The following ZP2 variants were observed in gnomAD, a reference collection of about 807,000 sequenced individuals.
ZP2 encodes the protein zona pellucida sperm-binding protein 2.
In ZP2, 51 loss-of-function variants were observed where a neutral mutation model predicts 84.0. The ratio of observed to expected loss-of-function variants is 0.61; its 90% confidence interval spans 0.49 to 0.77. The LOEUF (loss-of-function observed/expected upper bound fraction) is 0.77. Ranked by LOEUF, ZP2 falls within the 30% of genes least tolerant of loss-of-function variation. The pLI is 0.00. For synonymous variants in ZP2, 375 were observed against 330.9 expected (o/e 1.13, Z -1.45); for missense variants, 909 against 911.9 (o/e 1.00, Z 0.04).
At chr16:21,206,295 C>A (rs1192022187) in intron 5 of ZP2, among the ~76,000 whole-genome samples, 1 of 152,168 alleles carries the variant, frequency 6.6e-6, no homozygotes, top group Non-Finnish European at 1.5e-5. Context: ...CCATGCCTGA[C>A]CAGGACAATG....
intron 10 of ZP2, 56 bp downstream of exon 10, chr16:21,203,069 G>A: frequency 2.5e-6 from 4 of 1,588,006 alleles, no homozygotes; most frequent in Admixed American, 3.5e-5. Context: ...TTGCCCACAT[G>A]TACAAGAGCC....
At chr16:21,203,956 G>C in intron 9 of ZP2, 74 bp downstream of exon 9, 1 of 1,543,404 alleles carries the variant, frequency 6.5e-7, no homozygotes, top group East Asian at 2.3e-5. Flanking sequence ...GTTATCAGCC[G>C]TATGAGGACT....
chr16:21,202,971 A>G (rs1207045311), intron 10 of ZP2, among the ~76,000 whole-genome samples, 154 bp downstream of exon 10: 1 of 152,174 alleles, frequency 6.6e-6, no homozygotes, highest in African/African-American at 2.4e-5. Flanking sequence ...TTAGGACCCC[A>G]TCGTAGCAGC....
chr16:21,211,278 A>G, intron 2 of ZP2, 29 bp downstream of exon 2: 2 of 1,606,198 alleles, frequency 1.2e-6, no homozygotes, highest in East Asian at 2.2e-5. Context: ...TTCTCTGCTA[A>G]GAAGACTTCT....
In ZP2 at chr16:21,198,776, T is replaced by C. The variant is rs766276338; in HGVS notation, c.2011+3A>G. ...GGAAGTACTCCAGGCTTTAGGTCCA[T>C]ACCTCTGAATGAGGAGTCATCTGAC... On this transcript the variant is annotated splice_donor_region_variant and intron_variant, in intron 17 of 18. Coordinates refer to ENST00000574091, the MANE Select transcript of ZP2 (RefSeq NM_001376232.1). The C allele has an allele frequency of 1.2e-6, 2 of 1,613,758 alleles. No individual in the cohort carries two copies. Among genetic ancestry groups the C allele is most frequent in the Admixed American group, 3.3e-5 (2 of 59,980 alleles).
chr16:21,211,923 CACT>C (rs1464478619), upstream of ZP2, among the ~76,000 whole-genome samples: 2 of 146,682 alleles, frequency 1.4e-5, no homozygotes, highest in East Asian at 3.9e-4. Flanking sequence ...TTGTTCACAC[CACT>C]ACATTTTTTT....
chr16:21,199,465 C>A (rs2093214978), intron 16 of ZP2, 105 bp downstream of exon 16: 2 of 1,018,712 alleles, frequency 2.0e-6, no homozygotes, highest in East Asian at 5.3e-5. Context: ...GAGCTCTGGG[C>A]AGTAAATAAA....
intron 1 of ZP2, 28 bp downstream of exon 1, chr16:21,211,458 C>CCCT (rs756772909): frequency 1.2e-6 from 2 of 1,613,954 alleles, no homozygotes; most frequent in Admixed American, 3.3e-5. Context: ...CTACCATACC[C>CCCT]CCTCCCTCCA....
Position 21,199,833 on chromosome 16 carries a change from G to A in ZP2, c.1740C>T (p.Val580=), listed in dbSNP as rs1312913520. The change falls in exon 15 of 19, where the codon GTC becomes GTT. Residue 580 remains valine (V), a synonymous_variant. Coordinates refer to ENST00000574091, the MANE Select transcript of ZP2 (RefSeq NM_001376232.1). ...LDNYQTTFHP[V]GSSVTHPDHY... ...GATCAGGATGGGTCACAGAGGAGCC[G>A]ACTGGATGGAAGGTGGTCTGGTAGT... is the stretch of plus-strand genomic sequence containing the variant. The A allele has an allele frequency of 4.3e-6, 7 of 1,613,190 alleles. No individual in the cohort carries two copies. Among genetic ancestry groups the A allele is most frequent in the South Asian group, 2.2e-5 (2 of 91,018 alleles).
intron 18 of ZP2, 33 bp from the exon 19 acceptor site, chr16:21,197,655 A>C (rs773713392): frequency 5.0e-6 from 8 of 1,613,752 alleles, no homozygotes; most frequent in Non-Finnish European, 4.2e-6. Flanking sequence ...AGTCTTAAGT[A>C]TTTTTAAATA....
In ZP2 at chr16:21,199,629, A is replaced by T; in HGVS notation, c.1868T>A (p.Leu623His). 1 of 1,613,816 alleles carries T rather than the reference A, an allele frequency of 6.2e-7. No individual in the cohort carries two copies. Among genetic ancestry groups the T allele is most frequent in the Non-Finnish European group, 8.5e-7 (1 of 1,179,902 alleles). ...AGAACACAGTGGGGAGTCAGGGGAG[A>T]GTCGATTACAGATTAAGGCACTGCA... Reference protein sequence around the residue: ...FHCSALICNRLSPDSPLCSVT... With the variant: ...FHCSALICNRHSPDSPLCSVT... The change falls in exon 16 of 19, where the codon CTC (leucine) becomes CAC (histidine). Residue 623 changes from leucine (L) to histidine (H), a missense_variant. Physicochemically the swap from Leu to His is moderately conservative, Grantham distance 99. Transcript: ENST00000574091.
chr16:21,200,587 C>T (rs1213327488), intron 14 of ZP2, among the ~76,000 whole-genome samples: 1 of 152,190 alleles, frequency 6.6e-6, no homozygotes, highest in Non-Finnish European at 1.5e-5. Flanking sequence ...GGTTGAACAC[C>T]TATGTGTACA....
Position 21,205,469 on chromosome 16 carries a change from C to T in ZP2, c.644G>A (p.Arg215Lys), listed in dbSNP as rs2093245161. ...ATTGAATGGCACATGGAAGGTCATC[C>T]TGTGGTTGTCAATCAAGAGGCTGAA... ...EGFSLLIDNH[R>K]MTFHVPFNAT... The change falls in exon 7 of 19, where the codon AGG (arginine) becomes AAG (lysine). Residue 215 changes from arginine to lysine, a missense_variant. Coordinates refer to ENST00000574091, the MANE Select transcript of ZP2 (RefSeq NM_001376232.1). 18 of 1,614,082 alleles carry T rather than the reference C, an allele frequency of 1.1e-5. No individual in the cohort carries two copies. Among genetic ancestry groups the T allele is most frequent in the Non-Finnish European group, 1.5e-5 (18 of 1,179,986 alleles).
Position 21,202,007 on chromosome 16 carries a change from A to T in ZP2, c.1304T>A (p.Val435Asp). 1 of 1,614,070 alleles carries T rather than the reference A, an allele frequency of 6.2e-7. No homozygotes were observed. The highest frequency in any genetic ancestry group is 1.3e-5 in the African/African-American group (1 of 75,046). Residue 435 changes from valine (V) to aspartate (D), a missense_variant, in exon 12 of 19, where the codon GTC becomes GAC. Transcript: ENST00000574091. ...GTRYKFEDDK[V>D]VYENEIHALW... ...AGCATGTATTTCGTTTTCATAGACG[A>T]CTTTATCATCTTCGAACTTAAATGT...
chr16:21,204,246 C>T (rs778531639), intron 8 of ZP2, 35 bp from the exon 9 acceptor site: 14 of 1,613,804 alleles, frequency 8.7e-6, no homozygotes, highest in Admixed American at 6.7e-5. Flanking sequence ...CCATTACCAG[C>T]CTTGATTAAG....
chr16:21,204,113 T>C lies in ZP2; in HGVS notation c.889A>G (p.Ser297Gly). The change falls in exon 9 of 19, where the codon AGC (serine) becomes GGC (glycine). Residue 297 changes from serine to glycine, a missense_variant. Transcript: ENST00000574091. ...VSFENQNIDVSQLHDNGIDLE... is the reference protein window; with the variant it reads ...VSFENQNIDVGQLHDNGIDLE... ...TCAATTCCATTGTCATGCAGCTGGC[T>C]CACATCAATGTTCTGGTTTTCAAAG... 6.2e-7 allele frequency: 1 copy of C among 1,614,204 alleles called. No homozygotes were observed. The highest frequency in any genetic ancestry group is 8.5e-7 in the Non-Finnish European group (1 of 1,180,028).
chr16:21,212,148 G>A (rs1164896365), upstream of ZP2, among the ~76,000 whole-genome samples: 2 of 151,828 alleles, frequency 1.3e-5, no homozygotes, highest in Non-Finnish European at 2.9e-5. Context: ...GGGTGGTCTC[G>A]AACTCCTGAC....
Position 21,201,934 on chromosome 16 carries a change from G to T in ZP2, c.1377C>A (p.Phe459Leu). The T allele has an allele frequency of 6.2e-7, 1 of 1,613,840 alleles. No individual in the cohort carries two copies. Among genetic ancestry groups the T allele is most frequent in the South Asian group, 1.1e-5 (1 of 91,002 alleles). ...GTCAAATAGCAATTTTATCTCACCT[G>T]AACTCACTGTCTCTAGATATTTTGC... is the stretch of plus-strand genomic sequence containing the variant. ...PPSKISRDSE[F>L]RMTVKCSYSR... The change falls in exon 12 of 19, where the codon TTC becomes TTA. Residue 459 changes from phenylalanine (F) to leucine (L), a missense_variant and splice_region_variant. Physicochemically the swap from Phe to Leu is conservative, Grantham distance 22 (BLOSUM62 0). Transcript: ENST00000574091.
chr16:21,207,635 A>AACACACAC (rs10530241), intron 4 of ZP2, among the ~76,000 whole-genome samples: 191 of 143,862 alleles, frequency 1.3e-3, no homozygotes, highest in Non-Finnish European at 1.9e-3. Flanking sequence ...ATATATATTA[A>AACACACAC]ACACACACAC....
Sources: gnomAD v4.1 joint callset for allele counts (sites outside exome capture counted in the v4.1 genomes callset) on GRCh38, gnomAD v4.1.1 for gene constraint, MANE v1.5 for transcripts, NCBI Gene and HGNC (gene_info 2026-07-23, HGNC 2026-07-21) for gene names.